Variants in SH3PXD2B observed in about 807,000 individuals in gnomAD.
SH3PXD2B encodes SH3 and PX domains 2B.
SH3PXD2B carries 37 observed loss-of-function variants against 73.1 expected under a neutral mutation model. That is an observed-to-expected ratio of 0.51 (90% CI 0.39 to 0.67). The LOEUF (loss-of-function observed/expected upper bound fraction) is 0.67, where lower values mean the gene tolerates loss of function less well. SH3PXD2B is among the 30% of genes least tolerant of loss of function. SH3PXD2B has a pLI of 0.00. For synonymous variants in SH3PXD2B, 457 were observed against 480.5 expected (o/e 0.95, Z 0.64); for missense variants, 1,053 against 1,197.8 (o/e 0.88, Z 1.78).
In SH3PXD2B at chr5:172,339,351, C is replaced by G; in HGVS notation, c.1754G>C (p.Ser585Thr). ...SRRPEPKPDKSRLFQLKNDMG... is the reference protein window; with the variant it reads ...SRRPEPKPDKTRLFQLKNDMG... ...GTCATTTTTCAGCTGGAACAGTCTG[C>G]TTTTGTCAGGTTTGGGCTCTGGCCT... Residue 585 changes from serine to threonine, a missense_variant, in exon 13 of 13, where the codon AGC becomes ACC. Physicochemically the swap from Ser to Thr is moderately conservative, Grantham distance 58 (BLOSUM62 1). Around this residue, in one of 2 missense-constraint regions of SH3PXD2B, gnomAD observed 587 missense variants for 590.7 expected, o/e 0.99. Coordinates refer to ENST00000311601, the MANE Select transcript of SH3PXD2B (RefSeq NM_001017995.3). The surrounding 1 kb of genome is among the most constrained non-coding windows in gnomAD (Gnocchi z 6.1). 1 of 1,614,212 alleles carries G rather than the reference C, an allele frequency of 6.2e-7. No individual in the cohort carries two copies. The highest frequency in any genetic ancestry group is 8.5e-7 in the Non-Finnish European group (1 of 1,180,040).
chr5:172,411,495 T>G (rs1758692955), intron 2 of SH3PXD2B, among the ~76,000 whole-genome samples: 1 of 152,212 alleles, frequency 6.6e-6, no homozygotes, highest in Non-Finnish European at 1.5e-5. Flanking sequence ...AAATACTGCA[T>G]AGTCTAACCA....
At chr5:172,396,648 A>G (rs1758307158) in intron 3 of SH3PXD2B, among the ~76,000 whole-genome samples, 1 of 146,868 alleles carries the variant, frequency 6.8e-6, no homozygotes, top group Admixed American at 6.8e-5. Context: ...CATTTTCACC[A>G]ATTAAAAAAA....
intron 3 of SH3PXD2B, among the ~76,000 whole-genome samples, chr5:172,399,645 T>C (rs571085623): frequency 6.6e-6 from 1 of 152,290 alleles, no homozygotes; most frequent in Non-Finnish European, 1.5e-5. Context: ...CCACTTTTCC[T>C]GATTGCCTTT....
chr5:172,325,457 G>C, intron 12 of SH3PXD2B: 2 of 929,354 alleles, frequency 2.2e-6, no homozygotes, highest in African/African-American at 1.6e-5. Context: ...CTGGGACTTT[G>C]TCTGTTTGTC....
At chr5:172,386,554 A>G (rs79587113) in intron 4 of SH3PXD2B, among the ~76,000 whole-genome samples, 9,564 of 151,234 alleles carry the variant, frequency 0.063, 488 homozygotes, top group African/African-American at 0.14. Flanking sequence ...CCAGATTTAA[A>G]AACGTTTTCT....
At position 172,334,569 on chromosome 5, in the gene SH3PXD2B, C is replaced by T; in HGVS notation, c.*3800G>A. 1.0e-6 allele frequency: 1 copy of T among 985,510 alleles called. No individual in the cohort carries two copies. The highest frequency in any genetic ancestry group is 1.2e-6 in the Non-Finnish European group (1 of 830,008). 61.0% of individuals were successfully genotyped at this position (985,510 alleles called of 1,614,324 possible). ...GCTGTTAGGTGTCCACTGTCACAGT[C>T]CAAAGAGAAAGGTACGGCCTCCAAG... On this transcript the variant is annotated 3_prime_UTR_variant, in exon 13 of 13. Transcript: ENST00000311601.
At chr5:172,438,687 C>CA (rs1759449805) in intron 1 of SH3PXD2B, among the ~76,000 whole-genome samples, 2 of 151,982 alleles carry the variant, frequency 1.3e-5, no homozygotes, top group South Asian at 2.1e-4. Context: ...GAGGTAATGG[C>CA]AAAAAACAGA....
At chr5:172,432,403 G>T (rs1342242819) in intron 1 of SH3PXD2B, among the ~76,000 whole-genome samples, 1 of 152,142 alleles carries the variant, frequency 6.6e-6, no homozygotes, top group African/African-American at 2.4e-5. Context: ...AGCACTCATA[G>T]ACTAGGACAA....
chr5:172,335,691 C>CA lies in SH3PXD2B; in HGVS notation c.*2677_*2678insT. ...AGTTCTGCATATGCGCCATCAATCGCTCACAGAATAGCGACCACAGTCCTG... is the reference window on the plus strand; with the variant it reads ...AGTTCTGCATATGCGCCATCAATCGCATCACAGAATAGCGACCACAGTCCTG... On this transcript the variant is annotated 3_prime_UTR_variant, in exon 13 of 13. Coordinates refer to ENST00000311601, the MANE Select transcript of SH3PXD2B (RefSeq NM_001017995.3). 1 of 1,231,768 alleles carries CA rather than the reference C, an allele frequency of 8.1e-7. No individual in the cohort carries two copies. The highest frequency in any genetic ancestry group is 1.0e-6 in the Non-Finnish European group (1 of 987,994). 76.3% of individuals were successfully genotyped at this position (1,231,768 alleles called of 1,614,324 possible). A position where few individuals can be genotyped will look rare whatever the true frequency, so the allele number is the denominator to read the frequency against.
intron 7 of SH3PXD2B, among the ~76,000 whole-genome samples, chr5:172,361,421 T>G (rs1437393143): frequency 6.6e-6 from 1 of 152,180 alleles, no homozygotes; most frequent in Non-Finnish European, 1.5e-5. Flanking sequence ...GTTGGCTACT[T>G]GAAGATGTAC....
intron 2 of SH3PXD2B, among the ~76,000 whole-genome samples, chr5:172,412,813 G>A (rs958806633): frequency 6.6e-6 from 1 of 152,098 alleles, no homozygotes; most frequent in Non-Finnish European, 1.5e-5. Context: ...CACTACCCGC[G>A]CTCCCCCCAG....
At chr5:172,350,827 C>T (rs1324873388) in intron 9 of SH3PXD2B, among the ~76,000 whole-genome samples, 2 of 152,212 alleles carry the variant, frequency 1.3e-5, no homozygotes, top group African/African-American at 2.4e-5. Context: ...CAGCACCCAC[C>T]ATGTCCCACC....
At chr5:172,384,392 G>T (rs771342781) in intron 4 of SH3PXD2B, among the ~76,000 whole-genome samples, 6 of 152,150 alleles carry the variant, frequency 3.9e-5, no homozygotes, top group Non-Finnish European at 8.8e-5. Context: ...CCATTTTCAA[G>T]TGTACCGTAC....
intron 4 of SH3PXD2B, among the ~76,000 whole-genome samples, chr5:172,385,502 C>T (rs150253613): frequency 3.2e-4 from 48 of 152,342 alleles, no homozygotes; most frequent in Middle Eastern, 3.4e-3. Context: ...GCAGCTGTTC[C>T]TCCTTCACCT....
At chr5:172,392,608 T>C (rs7700392) in intron 4 of SH3PXD2B, among the ~76,000 whole-genome samples, 6,626 of 146,508 alleles carry the variant, frequency 0.045, 475 homozygotes, top group African/African-American at 0.15. Context: ...ACCCCGTCTC[T>C]ACTAAAAATA....
intron 4 of SH3PXD2B, among the ~76,000 whole-genome samples, chr5:172,384,945 C>T (rs1275015590): frequency 2.0e-5 from 3 of 152,194 alleles, no homozygotes; most frequent in Non-Finnish European, 2.9e-5. Context: ...AAAGGGCTCA[C>T]CGATTTTTAA....
At chr5:172,378,735 G>A (rs913423656) in intron 5 of SH3PXD2B, among the ~76,000 whole-genome samples, 5 of 152,160 alleles carry the variant, frequency 3.3e-5, no homozygotes, top group Admixed American at 2.6e-4. Context: ...GGAGACTGAG[G>A]CAAGGGGCAG....
At chr5:172,451,373 T>G (rs994329552) in intron 1 of SH3PXD2B, among the ~76,000 whole-genome samples, 3 of 152,102 alleles carry the variant, frequency 2.0e-5, no homozygotes, top group Non-Finnish European at 4.4e-5. Flanking sequence ...TGGGAATGTG[T>G]GTGGTGCTGC....
At chr5:172,449,926 C>T (rs753822380) in intron 1 of SH3PXD2B, among the ~76,000 whole-genome samples, 2 of 152,130 alleles carry the variant, frequency 1.3e-5, no homozygotes, top group Non-Finnish European at 2.9e-5. Flanking sequence ...TTAAAACGAA[C>T]TGGAGCTAGC....
Sources: allele counts gnomAD v4.1 joint callset (sites outside exome capture counted in the v4.1 genomes callset), GRCh38; gene constraint gnomAD v4.1.1; regional missense constraint gnomAD v4.1.1; non-coding constraint Gnocchi (gnomAD v3.1); transcripts MANE v1.5; gene names NCBI Gene and HGNC (gene_info 2026-07-23, HGNC 2026-07-21).